The following SLC15A1 variants were observed in gnomAD, a reference collection of about 807,000 sequenced individuals.
The protein encoded by SLC15A1 is Caco-2 oligopeptide transporter.
Under a neutral mutation model 92.9 loss-of-function variants are expected in SLC15A1, and 83 were observed. The observed-to-expected ratio is 0.89, with a 90% confidence interval of 0.75 to 1.07. The LOEUF (loss-of-function observed/expected upper bound fraction) is 1.07, where lower values mean the gene tolerates loss of function less well. SLC15A1 is among the 50% of genes least tolerant of loss of function. The pLI, the probability that SLC15A1 is intolerant of heterozygous loss-of-function variation, is 0.00. For synonymous variants in SLC15A1, 322 were observed against 318.2 expected, an observed-to-expected ratio of 1.01 and a Z score of -0.13; for missense variants, 857 against 880.1, an observed-to-expected ratio of 0.97 and a Z score of 0.33.
At chr13:98,689,441 G>A (rs1312106819) in intron 18 of SLC15A1, among the ~76,000 whole-genome samples, 1 of 151,942 alleles carries the variant, frequency 6.6e-6, no homozygotes, top group African/African-American at 2.4e-5. Context: ...AGTAACAAGA[G>A]ACGGTTTTTT....
chr13:98,707,949 A>ATG (rs1180670878), intron 15 of SLC15A1, among the ~76,000 whole-genome samples: 1 of 149,570 alleles, frequency 6.7e-6, no homozygotes, highest in African/African-American at 2.5e-5. Flanking sequence ...TGTTATATAT[A>ATG]TATATATTTA....
intron 8 of SLC15A1, 132 bp downstream of exon 8, chr13:98,719,105 C>T: frequency 1.5e-6 from 1 of 650,446 alleles, no homozygotes; most frequent in Non-Finnish European, 2.8e-6. Flanking sequence ...GCATGTTTAA[C>T]ATCTGATGCC....
At chr13:98,685,424 T>A (rs2087921897) in intron 22 of SLC15A1, among the ~76,000 whole-genome samples, 1 of 152,182 alleles carries the variant, frequency 6.6e-6, no homozygotes, top group Admixed American at 6.5e-5. Context: ...GAGGCAGACA[T>A]GCTACAGTGC....
intron 1 of SLC15A1, among the ~76,000 whole-genome samples, chr13:98,731,576 C>G (rs2088351139): frequency 6.6e-6 from 1 of 152,142 alleles, no homozygotes. Context: ...CCAAATCACC[C>G]AAATCCAGCA....
chr13:98,718,898 C>G (rs985254888), intron 8 of SLC15A1, among the ~76,000 whole-genome samples: 7 of 152,188 alleles, frequency 4.6e-5, no homozygotes, highest in African/African-American at 1.7e-4. Flanking sequence ...AGGGATCCCC[C>G]TGCCTTGGCC....
At chr13:98,749,147 C>G (rs1229067081) in intron 1 of SLC15A1, among the ~76,000 whole-genome samples, 1 of 152,192 alleles carries the variant, frequency 6.6e-6, no homozygotes, top group Non-Finnish European at 1.5e-5. Flanking sequence ...TGCCCTGGTA[C>G]TTCAATATTG....
In SLC15A1 at chr13:98,726,425, T is replaced by C. The variant is rs916113621; in HGVS notation, c.46A>G (p.Ile16Val). The C allele has an allele frequency of 1.2e-5, 19 of 1,613,982 alleles. No homozygotes were observed. The highest frequency in any genetic ancestry group is 8.3e-5 in the Admixed American group (5 of 59,988). ...SHSFFGYPLS[I>V]FFIVVNEFCE... ...AACTCATTGACCACGATGAAGAAGA[T>C]GCTCAGGGGATAACCAAAGAAACTC... The change falls in exon 3 of 23, where the codon ATC becomes GTC. Residue 16 changes from isoleucine (I) to valine (V), a missense_variant. Transcript: ENST00000376503.
chr13:98,706,721 TG>T (rs549636867), intron 15 of SLC15A1, among the ~76,000 whole-genome samples: 176 of 152,344 alleles, frequency 1.2e-3, no homozygotes, highest in African/African-American at 4.2e-3. Context: ...CCCAGCCATG[TG>T]GAACTGTGAG....
intron 7 of SLC15A1, among the ~76,000 whole-genome samples, chr13:98,720,176 A>T (rs1184169138): frequency 6.6e-6 from 1 of 152,228 alleles, no homozygotes; most frequent in African/African-American, 2.4e-5. Context: ...ATGGCAAAAA[A>T]TAATTTTCCC....
intron 1 of SLC15A1, among the ~76,000 whole-genome samples, chr13:98,748,731 A>AT (rs199567574): frequency 0.018 from 2,796 of 152,272 alleles, 95 homozygotes; most frequent in African/African-American, 0.063. Context: ...CCACAGCCTA[A>AT]TTTTAGGGCA....
chr13:98,743,237 GATAA>G (rs903210703), intron 1 of SLC15A1, among the ~76,000 whole-genome samples: 1 of 152,172 alleles, frequency 6.6e-6, no homozygotes, highest in African/African-American at 2.4e-5. Context: ...CATTTTGGGG[GATAA>G]ATAATTTGCC....
chr13:98,708,241 G>T (rs1258052047), intron 15 of SLC15A1, among the ~76,000 whole-genome samples: 1 of 152,110 alleles, frequency 6.6e-6, no homozygotes, highest in African/African-American at 2.4e-5. Context: ...CATTAGTCTA[G>T]TTTAGCCCAC....
chr13:98,714,382 A>G (rs1481904896), intron 9 of SLC15A1, among the ~76,000 whole-genome samples: 5 of 152,070 alleles, frequency 3.3e-5, no homozygotes, highest in African/African-American at 1.2e-4. Flanking sequence ...AGTACAATAC[A>G]ATTGAAATAT....
At chr13:98,744,100 G>A (rs2088472433) in intron 1 of SLC15A1, among the ~76,000 whole-genome samples, 1 of 152,000 alleles carries the variant, frequency 6.6e-6, no homozygotes, top group African/African-American at 2.4e-5. Context: ...AATTAGCCAG[G>A]CATAGTGGCA....
intron 9 of SLC15A1, 50 bp downstream of exon 9, chr13:98,715,828 G>A: frequency 7.1e-7 from 1 of 1,406,948 alleles, no homozygotes; most frequent in South Asian, 1.2e-5. Context: ...GAAAGTAGAA[G>A]GTTCTGAGGT....
At position 98,726,834 on chromosome 13, in the gene SLC15A1, G is replaced by C. The variant is rs971153933; in HGVS notation, c.21+9C>G. Reference sequence around the variant, plus strand: ...TGAAGATATGTAGAGAAGGAAAAAGGGTACTCACGTGTGATTTGGACATTC... The same window carrying C: ...TGAAGATATGTAGAGAAGGAAAAAGCGTACTCACGTGTGATTTGGACATTC... On this transcript the variant is annotated intron_variant, in intron 2 of 22. Coordinates refer to ENST00000376503, the MANE Select transcript of SLC15A1 (RefSeq NM_005073.4). The C allele has an allele frequency of 7.4e-6, 12 of 1,612,288 alleles. No individual in the cohort carries two copies. The African/African-American group carries it at 1.6e-4, about 22-fold the overall frequency.
intron 1 of SLC15A1, among the ~76,000 whole-genome samples, chr13:98,739,814 T>C (rs1001185535): frequency 6.6e-6 from 1 of 152,200 alleles, no homozygotes; most frequent in African/African-American, 2.4e-5. Context: ...TAAGATTGAA[T>C]CTACAATGAA....
chr13:98,696,928 G>T (rs1210602579), intron 18 of SLC15A1, among the ~76,000 whole-genome samples: 1 of 152,176 alleles, frequency 6.6e-6, no homozygotes, highest in Non-Finnish European at 1.5e-5. Flanking sequence ...CAGAGAAAGG[G>T]CCATGTGAGG....
intron 1 of SLC15A1, among the ~76,000 whole-genome samples, chr13:98,748,677 G>A (rs570851464): frequency 3.3e-5 from 5 of 152,280 alleles, no homozygotes; most frequent in East Asian, 3.9e-4. Context: ...TCACGGACAT[G>A]TACCCACATG....
Sources: allele counts gnomAD v4.1 joint callset (sites outside exome capture counted in the v4.1 genomes callset), GRCh38; gene constraint gnomAD v4.1.1; transcripts MANE v1.5; gene names NCBI Gene and HGNC (gene_info 2026-07-23, HGNC 2026-07-21).